Variants in NRF1 observed in about 807,000 individuals in gnomAD.
NRF1 encodes nuclear respiratory factor 1, also known as alpha palindromic-binding protein.
A neutral mutation model predicts 58.5 loss-of-function variants in NRF1; 5 were observed. The ratio of observed to expected loss-of-function variants is 0.09; its 90% CI spans 0.04 to 0.18. The LOEUF is 0.18. Among genes scored for constraint, NRF1 ranks in the 10% least tolerant of loss-of-function variants. The pLI is 1.00. For missense variants in NRF1, 288 were observed against 657.7 expected (o/e 0.44, Z 6.15); for synonymous variants, 224 against 246.7 (o/e 0.91, Z 0.86).
chr7:129,725,557 C>A (rs1187267498), intron 9 of NRF1, among the ~76,000 whole-genome samples: 4 of 152,150 alleles, frequency 2.6e-5, no homozygotes, highest in Non-Finnish European at 4.4e-5. Flanking sequence ...GAACTCCCGA[C>A]CTCAGGTGAT....
intron 4 of NRF1, among the ~76,000 whole-genome samples, chr7:129,680,934 G>A (rs1044322959): frequency 6.6e-6 from 1 of 152,180 alleles, no homozygotes; most frequent in African/African-American, 2.4e-5. Flanking sequence ...TGTATGGTAT[G>A]ACAAACTAAA....
At chr7:129,718,034 G>T (rs1481299154) in intron 9 of NRF1, among the ~76,000 whole-genome samples, 7 of 152,278 alleles carry the variant, frequency 4.6e-5, no homozygotes, top group Middle Eastern at 3.4e-3. Context: ...GGAAAATAAT[G>T]AACTTTTTTC....
chr7:129,633,168 A>G (rs1409435366), intron 1 of NRF1, among the ~76,000 whole-genome samples: 1 of 152,236 alleles, frequency 6.6e-6, no homozygotes, highest in Non-Finnish European at 1.5e-5. Context: ...GCATCTGGAA[A>G]GAGGCTGTAT....
intron 4 of NRF1, 68 bp from the exon 5 acceptor site, chr7:129,690,338 T>C: frequency 6.5e-7 from 1 of 1,548,252 alleles, no homozygotes; most frequent in Non-Finnish European, 8.8e-7. Context: ...CCCACTCTCT[T>C]GTTGCTTGGC....
intron 3 of NRF1, among the ~76,000 whole-genome samples, chr7:129,675,185 G>T (rs1802148328): frequency 1.3e-5 from 2 of 152,176 alleles, no homozygotes; most frequent in Admixed American, 1.3e-4. Context: ...ATTTTATCAT[G>T]ATATTGTAGC....
chr7:129,699,740 GA>G (rs935140350), intron 5 of NRF1, among the ~76,000 whole-genome samples: 16 of 146,288 alleles, frequency 1.1e-4, no homozygotes, highest in African/African-American at 3.3e-4. Context: ...CAAAAAAAAA[GA>G]AAAAAAAAGA....
At chr7:129,675,258 C>T (rs1158821478) in intron 3 of NRF1, among the ~76,000 whole-genome samples, 4 of 152,160 alleles carry the variant, frequency 2.6e-5, no homozygotes, top group South Asian at 2.1e-4. Context: ...CTACTGCATC[C>T]GCAGTTACTT....
intron 1 of NRF1, among the ~76,000 whole-genome samples, chr7:129,616,933 G>C (rs1800671881): frequency 6.6e-6 from 1 of 152,126 alleles, no homozygotes; most frequent in Non-Finnish European, 1.5e-5. Flanking sequence ...ATGATCACTG[G>C]AATTTTTTAG....
intron 8 of NRF1, 68 bp downstream of exon 8, chr7:129,711,644 C>CAAA (rs769522302): frequency 9.7e-5 from 123 of 1,271,444 alleles, no homozygotes; most frequent in Non-Finnish European, 1.3e-4. Flanking sequence ...AGCAAGGGTC[C>CAAA]AGAAGATGGA....
intron 1 of NRF1, among the ~76,000 whole-genome samples, chr7:129,627,247 G>C (rs889360901): frequency 1.3e-5 from 2 of 152,140 alleles, no homozygotes; most frequent in African/African-American, 4.8e-5. Flanking sequence ...ATCTCCCTCT[G>C]TTGCTCAGGC....
intron 1 of NRF1, among the ~76,000 whole-genome samples, chr7:129,619,474 GTGTGTGTGTGTGTGTGTATA>G (rs1192269132): frequency 3.7e-5 from 1 of 27,058 alleles, no homozygotes; most frequent in Non-Finnish European, 9.9e-5. Context: ...GTGTGTGTGT[GTGTGTGTGTGTGTGTGTATA>G]TATATATATA....
At chr7:129,727,094 A>G (rs568495355) in intron 9 of NRF1, 147 bp from the exon 10 acceptor site, 254 of 680,466 alleles carry the variant, frequency 3.7e-4, no homozygotes, top group East Asian at 1.9e-3. Flanking sequence ...GGCTTTATCT[A>G]TTAGCACTGT....
At chr7:129,622,151 T>C (rs1800811987) in intron 1 of NRF1, among the ~76,000 whole-genome samples, 1 of 152,178 alleles carries the variant, frequency 6.6e-6, no homozygotes, top group Non-Finnish European at 1.5e-5. Context: ...GTCTATAAGC[T>C]TATTAGGTGA....
chr7:129,744,023 G>C (rs1803909891), intron 10 of NRF1: 1 of 591,472 alleles, frequency 1.7e-6, no homozygotes, highest in Non-Finnish European at 2.8e-6. Context: ...CATGCTTGCC[G>C]AAGGCTTTCC....
rs572574980 is a variant in NRF1, at chr7:129,745,415, A to C, written c.1349-9603A>C. On this transcript the variant is annotated intron_variant, in intron 10 of 10. Transcript: ENST00000393232. ...CCCGAGCTCCACCTACTGTCAGATC[A>C]TCAGCGGCATCAGATTCTCATAGGA... Among the ~76,000 whole-genome samples, 5 of 152,180 alleles carry C rather than the reference A, an allele frequency of 3.3e-5. No individual in the cohort carries two copies. The East Asian group carries it at 7.7e-4, about 24-fold the overall frequency.
intron 2 of NRF1, among the ~76,000 whole-genome samples, chr7:129,664,996 C>T (rs1801887286): frequency 6.6e-6 from 1 of 152,120 alleles, no homozygotes; most frequent in Non-Finnish European, 1.5e-5. Context: ...GCATTGGATG[C>T]TCTGAATAAA....
At chr7:129,668,181 G>A (rs926209479) in intron 2 of NRF1, among the ~76,000 whole-genome samples, 1 of 151,992 alleles carries the variant, frequency 6.6e-6, no homozygotes, top group Admixed American at 6.6e-5. Context: ...ATATTTAATA[G>A]CCCATACTTT....
chr7:129,622,035 C>T (rs910668581), intron 1 of NRF1, among the ~76,000 whole-genome samples: 1 of 151,984 alleles, frequency 6.6e-6, no homozygotes, highest in African/African-American at 2.4e-5. Flanking sequence ...CCCGCCTCGG[C>T]CTCCCAAAGT....
chr7:129,716,043 T>C (rs998164333), intron 8 of NRF1, among the ~76,000 whole-genome samples: 1 of 152,154 alleles, frequency 6.6e-6, no homozygotes, highest in Non-Finnish European at 1.5e-5. Context: ...ATGCAGCCAT[T>C]TTTAAGAATC....
Sources: gnomAD v4.1 joint callset for allele counts (sites outside exome capture counted in the v4.1 genomes callset) on GRCh38, gnomAD v4.1.1 for gene constraint, MANE v1.5 for transcripts, NCBI Gene and HGNC (gene_info 2026-07-23, HGNC 2026-07-21) for gene names.